The following TIAM1 variants were observed in gnomAD, a reference collection of about 807,000 sequenced individuals.
The protein encoded by TIAM1 is rho guanine nucleotide exchange factor TIAM1.
In TIAM1, 65 loss-of-function variants were observed where a neutral mutation model predicts 163.5. The ratio of observed to expected loss-of-function variants is 0.40; its 90% CI spans 0.33 to 0.49. The LOEUF is 0.49. Ranked by LOEUF, TIAM1 falls within the 20% of genes least tolerant of loss-of-function variation. The pLI is 0.77. For missense variants in TIAM1, 1,789 were observed against 2,044.7 expected, an observed-to-expected ratio of 0.87 and a Z score of 2.41; for synonymous variants, 833 against 810.1, an observed-to-expected ratio of 1.03 and a Z score of -0.48.
At chr21:31,127,707 C>T (rs570533897) in intron 25 of TIAM1, among the ~76,000 whole-genome samples, 5 of 152,294 alleles carry the variant, frequency 3.3e-5, no homozygotes, top group South Asian at 2.1e-4. Flanking sequence ...TGAGCCACCG[C>T]GCCCGGCCTG....
At chr21:31,210,906 C>T (rs2086855532) in intron 10 of TIAM1, among the ~76,000 whole-genome samples, 1 of 152,024 alleles carries the variant, frequency 6.6e-6, no homozygotes, top group African/African-American at 2.4e-5. Context: ...GCACATCTGC[C>T]ATGAGAACTT....
At chr21:31,274,170 G>A (rs1221069080) in intron 3 of TIAM1, among the ~76,000 whole-genome samples, 3 of 152,036 alleles carry the variant, frequency 2.0e-5, no homozygotes, top group African/African-American at 4.8e-5. Flanking sequence ...AGCCAAGATC[G>A]TGCCACTGCA....
At chr21:31,243,810 C>T (rs1176048051) in intron 6 of TIAM1, among the ~76,000 whole-genome samples, 4 of 152,074 alleles carry the variant, frequency 2.6e-5, no homozygotes, top group Admixed American at 2.6e-4. Flanking sequence ...CCATGAAGGC[C>T]AGAAAGCAGT....
At chr21:31,340,085 T>C (rs149401363) in intron 1 of TIAM1, among the ~76,000 whole-genome samples, 1 of 152,044 alleles carries the variant, frequency 6.6e-6, no homozygotes, top group Non-Finnish European at 1.5e-5. Flanking sequence ...GACTCACTCC[T>C]TGAGCAAAGC....
At chr21:31,136,101 T>C in intron 22 of TIAM1, 60 bp from the exon 23 acceptor site, 4 of 1,418,842 alleles carry the variant, frequency 2.8e-6, no homozygotes, top group Non-Finnish European at 3.9e-6. Context: ...CAGATTTTCA[T>C]GATGTTTGAA....
At chr21:31,524,810 A>C (rs1283644002) in intron 1 of TIAM1, among the ~76,000 whole-genome samples, 1 of 152,168 alleles carries the variant, frequency 6.6e-6, no homozygotes, top group Non-Finnish European at 1.5e-5. Context: ...AACTTCTATC[A>C]TGTGATTCAT....
At chr21:31,453,025 T>G (rs573095789) in intron 2 of TIAM1, 31 of 461,064 alleles carry the variant, frequency 6.7e-5, no homozygotes, top group African/African-American at 5.6e-4. Flanking sequence ...ACACTGGATC[T>G]TCTCATTGGA....
intron 1 of TIAM1, among the ~76,000 whole-genome samples, chr21:31,498,830 C>T (rs2046752910): frequency 6.6e-6 from 1 of 152,064 alleles, no homozygotes; most frequent in South Asian, 2.1e-4. Context: ...CCTGGAATCC[C>T]AGCTACTTGG....
chr21:31,450,228 CTCT>C (rs964408895), intron 2 of TIAM1, among the ~76,000 whole-genome samples: 5 of 152,146 alleles, frequency 3.3e-5, no homozygotes, highest in African/African-American at 1.2e-4. Context: ...TGCAAATTAC[CTCT>C]TTTCAGAGAG....
intron 1 of TIAM1, among the ~76,000 whole-genome samples, chr21:31,343,641 C>T (rs967504723): frequency 6.6e-6 from 1 of 152,142 alleles, no homozygotes; most frequent in Non-Finnish European, 1.5e-5. Flanking sequence ...GCCACAGCTT[C>T]TGAATATTCC....
intron 2 of TIAM1, among the ~76,000 whole-genome samples, chr21:31,372,912 A>G (rs2076620585): frequency 6.6e-6 from 1 of 151,992 alleles, no homozygotes; most frequent in Admixed American, 6.5e-5. Context: ...AAAATTAGCC[A>G]GGCGTGGTGG....
chr21:31,464,729 A>C (rs572905614), intron 1 of TIAM1, among the ~76,000 whole-genome samples: 2 of 151,718 alleles, frequency 1.3e-5, no homozygotes, highest in South Asian at 4.2e-4. Flanking sequence ...TGTAATCCCA[A>C]CTACTTGGGT....
intron 2 of TIAM1, among the ~76,000 whole-genome samples, chr21:31,423,346 C>T (rs1003682448): frequency 6.6e-6 from 1 of 152,026 alleles, no homozygotes; most frequent in East Asian, 1.9e-4. Context: ...GATCCCCTCG[C>T]CTCGGCCTCC....
At chr21:31,232,059 C>A (rs2088471370) in intron 6 of TIAM1, among the ~76,000 whole-genome samples, 1 of 151,644 alleles carries the variant, frequency 6.6e-6, no homozygotes, top group South Asian at 2.1e-4. Context: ...AGTTGCACAA[C>A]AGGGTAAATG....
At chr21:31,386,100 C>G (rs2076866692) in intron 2 of TIAM1, among the ~76,000 whole-genome samples, 1 of 152,010 alleles carries the variant, frequency 6.6e-6, no homozygotes. Context: ...CTGGGGTATG[C>G]TATGTGGAGG....
intron 2 of TIAM1, among the ~76,000 whole-genome samples, chr21:31,371,573 C>T (rs1412542704): frequency 6.6e-6 from 1 of 152,178 alleles, no homozygotes; most frequent in Non-Finnish European, 1.5e-5. Context: ...GATTATGGAA[C>T]AAGAGCAACG....
At chr21:31,324,903 T>A (rs13052140) in intron 2 of TIAM1, among the ~76,000 whole-genome samples, 1 of 152,082 alleles carries the variant, frequency 6.6e-6, no homozygotes, top group South Asian at 2.1e-4. Flanking sequence ...GAATACCTAC[T>A]CCATACCAGC....
At chr21:31,416,842 T>C (rs550119116) in intron 2 of TIAM1, among the ~76,000 whole-genome samples, 110 of 152,320 alleles carry the variant, frequency 7.2e-4, no homozygotes, top group Non-Finnish European at 1.1e-3. Context: ...CATCATGTAG[T>C]GGGCCCTAAA....
At chr21:31,380,049 A>C (rs1328982289) in intron 2 of TIAM1, among the ~76,000 whole-genome samples, 1 of 152,056 alleles carries the variant, frequency 6.6e-6, no homozygotes, top group Non-Finnish European at 1.5e-5. Context: ...GGATCATTTG[A>C]CTCAGGAGTT....
Sources: gnomAD v4.1 joint callset for allele counts (sites outside exome capture counted in the v4.1 genomes callset) on GRCh38, gnomAD v4.1.1 for gene constraint, MANE v1.5 for transcripts, NCBI Gene and HGNC (gene_info 2026-07-23, HGNC 2026-07-21) for gene names.